CCDC102A: variants seen among roughly 807,000 people sequenced by gnomAD.
CCDC102A encodes coiled-coil domain-containing protein 102A.
In CCDC102A, 40 loss-of-function variants were observed where a neutral mutation model predicts 55.5. The observed-to-expected ratio is 0.72, with a 90% CI of 0.56 to 0.94. The LOEUF (loss-of-function observed/expected upper bound fraction) is 0.94, where lower values mean the gene tolerates loss of function less well. CCDC102A is among the 40% of genes least tolerant of loss of function. The pLI is 0.00. For missense variants in CCDC102A, 779 were observed against 768.6 expected (o/e 1.01, Z -0.16); for synonymous variants, 323 against 339.0 (o/e 0.95, Z 0.52).
In CCDC102A at chr16:57,521,183, A is replaced by G. The variant is rs556351012; in HGVS notation, c.813-7T>C. On this transcript the variant is annotated splice_polypyrimidine_tract_variant and splice_region_variant and intron_variant, in intron 3 of 8. Transcript: ENST00000258214. ...GCTCAACGCCAGTTTATCCCTGGGG[A>G]AGGGACAGACATGGGGGTGAGCCCA... is the stretch of plus-strand genomic sequence containing the variant. The G allele has an allele frequency of 1.6e-5, 26 of 1,606,956 alleles. No individual in the cohort carries two copies. The East Asian group carries it at 3.8e-4, about 23-fold the overall frequency.
intron 2 of CCDC102A, 137 bp downstream of exon 2, chr16:57,528,456 G>T (rs1432970719): frequency 3.6e-6 from 2 of 559,382 alleles, no homozygotes; most frequent in Non-Finnish European, 4.7e-6. Flanking sequence ...GCCCCGCAAG[G>T]GTAGAACCCG....
chr16:57,515,537 T>C (rs2031941447), intron 7 of CCDC102A, 93 bp from the exon 8 acceptor site: 2 of 756,606 alleles, frequency 2.6e-6, no homozygotes, highest in Admixed American at 2.0e-5. Flanking sequence ...TGCTGTTCCC[T>C]GGGAAGGTGC....
Position 57,512,852 on chromosome 16 carries a change from C to T in CCDC102A, c.1542G>A (p.Gln514=). 6.2e-7 allele frequency: 1 copy of T among 1,613,796 alleles called. No individual in the cohort carries two copies. Among genetic ancestry groups the T allele is most frequent in the Non-Finnish European group, 8.5e-7 (1 of 1,179,896 alleles). ...GGATCTTCCCGAAGAGGGGAGCGTT[C>T]TGCTGCTGCCTGCGGAGCCTGTGGG... The part of the protein sequence containing the change: ...HLQSRLRRQQ[Q]NAPLFGKIRS... Residue 514 remains glutamine, a synonymous_variant, in exon 9 of 9, where the codon CAG becomes CAA. Transcript: ENST00000258214.
chr16:57,513,723 G>A (rs1331603211), intron 8 of CCDC102A, among the ~76,000 whole-genome samples: 1 of 152,200 alleles, frequency 6.6e-6, no homozygotes, highest in East Asian at 1.9e-4. Context: ...GTGCTGCAGG[G>A]TCAGAGCAGG....
chr16:57,522,658 C>G (rs2032070910), intron 3 of CCDC102A, among the ~76,000 whole-genome samples: 1 of 152,240 alleles, frequency 6.6e-6, no homozygotes, highest in African/African-American at 2.4e-5. Context: ...TGCACACCTG[C>G]ATGAGCCGCC....
At position 57,512,514 on chromosome 16, in the gene CCDC102A, G is replaced by GCA. The variant is rs1491117498; in HGVS notation, c.*226_*227insTG. On this transcript the variant is annotated 3_prime_UTR_variant, in exon 9 of 9. Coordinates refer to ENST00000258214, the MANE Select transcript of CCDC102A (RefSeq NM_033212.4). ...AATGGGTCCAAAGACTTCTGGGTGT[G>GCA]CGCGCGCGCGCGCGCGTGTGTGTAT... The GCA allele has an allele frequency of 1.7e-5, 6 of 362,730 alleles. No homozygotes were observed. The East Asian group carries it at 2.0e-4, about 12-fold the overall frequency. The allele number at this position is 362,730 out of a possible 1,614,324, so 22.5% of individuals were successfully genotyped here.
intron 8 of CCDC102A, among the ~76,000 whole-genome samples, chr16:57,514,327 G>T (rs1325483647): frequency 4.9e-4 from 75 of 152,142 alleles, no homozygotes; most frequent in Non-Finnish European, 1.3e-4. Context: ...GGTCTCCCAA[G>T]TAGCTGGAAC....
chr16:57,525,073 C>A (rs990059063), intron 3 of CCDC102A, among the ~76,000 whole-genome samples: 2 of 142,684 alleles, frequency 1.4e-5, no homozygotes, highest in South Asian at 4.7e-4. Flanking sequence ...CCACGCTCAT[C>A]GTTTTATTTA....
chr16:57,512,971 T>C lies in CCDC102A; in HGVS notation c.1524-101A>G. On this transcript the variant is annotated intron_variant, in intron 8 of 8. Transcript: ENST00000258214. The stretch of plus-strand genomic sequence containing the variant: ...GGAGCAGTTAAGCCTTCCCTGGTGC[T>C]TTCCCTGCTGTCTCATCTCCTGTAA... The C allele has an allele frequency of 5.2e-6, 5 of 952,954 alleles. No homozygotes were observed. The South Asian group carries it at 6.0e-5, about 12-fold the overall frequency. The allele number at this position is 952,954 out of a possible 1,614,324, so 59.0% of individuals were successfully genotyped here.
In CCDC102A at chr16:57,512,542, A is replaced by G. The variant is rs931131221; in HGVS notation, c.*199T>C. ...CGCGCGCGCGCGCGTGTGTGTATAT[A>G]TATATATAAAACATAGGCTTCCTTT... On this transcript the variant is annotated 3_prime_UTR_variant, in exon 9 of 9. Coordinates refer to ENST00000258214, the MANE Select transcript of CCDC102A (RefSeq NM_033212.4). 2.3e-4 allele frequency: 142 copies of G among 607,924 alleles called. No individual in the cohort carries two copies. Among genetic ancestry groups the G allele is most frequent in the Non-Finnish European group, 6.2e-5 (22 of 353,474 alleles). The allele number at this position is 607,924 out of a possible 1,614,324, so 37.7% of individuals were successfully genotyped here. A position where few individuals can be genotyped will look rare whatever the true frequency, so the allele number is the denominator to read the frequency against.
chr16:57,525,759 G>A, intron 3 of CCDC102A, 142 bp downstream of exon 3: 1 of 750,392 alleles, frequency 1.3e-6, no homozygotes. Flanking sequence ...TGAGTTCTTG[G>A]GTGGAACACC....
rs548559196 is a variant in CCDC102A at position 57,518,887 on chromosome 16, C to T, written c.922-146G>A. ...GCAGGCACCAGGTATTCCAAACAGA[C>T]CTCGAATCTGACCACTTCTGCTCCT... On this transcript the variant is annotated intron_variant, in intron 4 of 8. Transcript: ENST00000258214. 16 of 632,192 alleles carry T rather than the reference C, an allele frequency of 2.5e-5. No individual in the cohort carries two copies. In the East Asian group the frequency reaches 4.4e-4, roughly 17 times the overall value. The allele number at this position is 632,192 out of a possible 1,614,324, so 39.2% of individuals were successfully genotyped here. A position where few individuals can be genotyped will look rare whatever the true frequency, so the allele number is the denominator to read the frequency against.
At position 57,521,080 on chromosome 16, in the gene CCDC102A, C is replaced by T; in HGVS notation, c.909G>A (p.Glu303=). Residue 303 remains glutamate, a synonymous_variant, in exon 4 of 9, where the codon GAG becomes GAA. Coordinates refer to ENST00000258214, the MANE Select transcript of CCDC102A (RefSeq NM_033212.4). Reference sequence around the variant, plus strand: ...CTCCAAGACTCACCTGCTTGAGCATCTCCTGCTTGGTCTTGCTCAGCTCCT... The same window carrying T: ...CTCCAAGACTCACCTGCTTGAGCATTTCCTGCTTGGTCTTGCTCAGCTCCT... ...KYEELSKTKQ[E]MLKQLSILKE... 1 of 1,613,116 alleles carries T rather than the reference C, an allele frequency of 6.2e-7. No homozygotes were observed. The highest frequency in any genetic ancestry group is 8.5e-7 in the Non-Finnish European group (1 of 1,179,424).
chr16:57,524,943 C>A (rs149782975), intron 3 of CCDC102A, among the ~76,000 whole-genome samples: 1 of 152,102 alleles, frequency 6.6e-6, no homozygotes, highest in South Asian at 2.1e-4. Flanking sequence ...CTTCCCAGCC[C>A]GGCTCCCTTC....
In CCDC102A at chr16:57,512,415, A is replaced by G; in HGVS notation, c.*326T>C. 5.0e-6 allele frequency: 2 copies of G among 401,336 alleles called. No homozygotes were observed. Among genetic ancestry groups the G allele is most frequent in the Non-Finnish European group, 8.8e-6 (2 of 227,860 alleles). 24.9% of individuals were successfully genotyped at this position (401,336 alleles called of 1,614,324 possible). A position where few individuals can be genotyped will look rare whatever the true frequency, so the allele number is the denominator to read the frequency against. ...TCCAACAACTGCCCCCAACATGCCCAGCCCTGCATGAAGTCCTGGGTGGGT... is the reference window on the plus strand; with the variant it reads ...TCCAACAACTGCCCCCAACATGCCCGGCCCTGCATGAAGTCCTGGGTGGGT... On this transcript the variant is annotated 3_prime_UTR_variant, in exon 9 of 9. Coordinates refer to ENST00000258214, the MANE Select transcript of CCDC102A (RefSeq NM_033212.4).
rs1389066471 is a variant in CCDC102A at position 57,529,243 on chromosome 16, C to T, written c.-66G>A. The T allele has an allele frequency of 9.7e-6, 11 of 1,129,692 alleles. No homozygotes were observed. Among genetic ancestry groups the T allele is most frequent in the African/African-American group, 1.7e-5 (1 of 59,960 alleles). 70.0% of individuals were successfully genotyped at this position (1,129,692 alleles called of 1,614,324 possible). Reference sequence around the variant, plus strand: ...GCTCAGGGGCGGCTCCGGGGACGCGCGGCGGGCGCGATACAACTGTGCATG... The same window carrying T: ...GCTCAGGGGCGGCTCCGGGGACGCGTGGCGGGCGCGATACAACTGTGCATG... On this transcript the variant is annotated 5_prime_UTR_variant, in exon 2 of 9. Coordinates refer to ENST00000258214, the MANE Select transcript of CCDC102A (RefSeq NM_033212.4). The surrounding 1 kb of genome is among the most constrained non-coding windows in gnomAD (Gnocchi z 4.1).
Position 57,512,646 on chromosome 16 carries a change from A to G in CCDC102A, c.*95T>C. 1 of 1,471,600 alleles carries G rather than the reference A, an allele frequency of 6.8e-7. No individual in the cohort carries two copies. The highest frequency in any genetic ancestry group is 9.1e-7 in the Non-Finnish European group (1 of 1,095,404). The allele number at this position is 1,471,600 out of a possible 1,614,324, so 91.2% of individuals were successfully genotyped here. A position where few individuals can be genotyped will look rare whatever the true frequency, so the allele number is the denominator to read the frequency against. On this transcript the variant is annotated 3_prime_UTR_variant, in exon 9 of 9. Transcript: ENST00000258214. ...GTCGGCTGTGGCAGGGACTGGTCCC[A>G]GAGTGAGCCTAGGCACTGCATCAGT...
chr16:57,515,203 G>A, intron 8 of CCDC102A, 138 bp downstream of exon 8: 1 of 660,586 alleles, frequency 1.5e-6, no homozygotes, highest in South Asian at 1.7e-5. Flanking sequence ...CTGCCCGGAG[G>A]GGACAGGATT....
In CCDC102A at chr16:57,529,802, A is replaced by C. The variant is rs1309339631; in HGVS notation, c.-147-478T>G. On this transcript the variant is annotated intron_variant, in intron 1 of 8. Coordinates refer to ENST00000258214, the MANE Select transcript of CCDC102A (RefSeq NM_033212.4). This position sits in a 1 kb window ranked among gnomAD's most constrained non-coding sequence, Gnocchi z 4.1. The stretch of plus-strand genomic sequence containing the variant: ...GCCCCTTATGTGTCTCCATCACTGC[A>C]CTAACTTACCCTGTCATTTATGTGT... 6.6e-6 allele frequency among the ~76,000 whole-genome samples: 1 copy of C among 152,064 alleles called. No homozygotes were observed. The highest frequency in any genetic ancestry group is 1.5e-5 in the Non-Finnish European group (1 of 68,012).
Sources: gnomAD v4.1 joint callset for allele counts (sites outside exome capture counted in the v4.1 genomes callset) on GRCh38, gnomAD v4.1.1 for gene constraint, Gnocchi (gnomAD v3.1) non-coding constraint, MANE v1.5 for transcripts, NCBI Gene and HGNC (gene_info 2026-07-23, HGNC 2026-07-21) for gene names.